Variants in HINT2 observed in about 807,000 individuals in gnomAD.
HINT2 encodes adenosine 5'-monophosphoramidase HINT2.
In HINT2, 17 loss-of-function variants were observed where a neutral mutation model predicts 20.0. The observed-to-expected ratio is 0.85, with a 90% CI of 0.58 to 1.27. The LOEUF is 1.27. Ranked by LOEUF, HINT2 falls within the 50% of genes most tolerant of loss-of-function variation. HINT2 has a pLI of 0.00. For missense variants in HINT2, 217 were observed against 211.9 expected (o/e 1.02, Z -0.15); for synonymous variants, 96 against 84.2 (o/e 1.14, Z -0.77).
chr9:35,813,733 G>C lies in HINT2; in HGVS notation c.133C>G (p.Gln45Glu). ...TDGNEVAKAQ[Q>E]ATPGGAAPTI... Reference sequence around the variant, plus strand: ...GGGGCTGCTCCCCCAGGAGTTGCCTGCTGGGCCTTGGCCACTTCATTCCCA... The same window carrying C: ...GGGGCTGCTCCCCCAGGAGTTGCCTCCTGGGCCTTGGCCACTTCATTCCCA... The change falls in exon 2 of 5, where the codon CAG becomes GAG. Residue 45 changes from glutamine (Q) to glutamate (E), a missense_variant. Physicochemically the swap from Gln to Glu is conservative, Grantham distance 29. Transcript: ENST00000259667. 1 of 1,613,914 alleles carries C rather than the reference G, an allele frequency of 6.2e-7. No individual in the cohort carries two copies. Among genetic ancestry groups the C allele is most frequent in the Non-Finnish European group, 8.5e-7 (1 of 1,179,796 alleles).
At chr9:35,814,872 C>A (rs1360770627) in intron 1 of HINT2, 27 bp downstream of exon 1, 3 of 1,480,528 alleles carry the variant, frequency 2.0e-6, no homozygotes, top group Non-Finnish European at 2.7e-6. Flanking sequence ...CGCAGGACCC[C>A]CTACTCGCTC....
At chr9:35,813,986 A>G in intron 1 of HINT2, 1 of 596,674 alleles carries the variant, frequency 1.7e-6, no homozygotes, top group Non-Finnish European at 3.0e-6. Context: ...ATCAGGATTC[A>G]GCAGTGCAAT....
Position 35,813,082 on chromosome 9 carries a change from C to T in HINT2, c.464G>A (p.Gly155Asp). 6.2e-7 allele frequency: 1 copy of T among 1,614,142 alleles called. No homozygotes were observed. Among genetic ancestry groups the T allele is most frequent in the South Asian group, 1.1e-5 (1 of 91,090 alleles). The change falls in exon 5 of 5, where the codon GGC (glycine) becomes GAC (aspartate). Residue 155 changes from glycine (G) to aspartate (D), a missense_variant. Physicochemically the swap from Gly to Asp is moderately conservative, Grantham distance 94. Transcript: ENST00000259667. ...ACCTGGAGGCCACTGGAGCTGCCGG[C>T]CCCCAAGTACATGAATGTGCAGATG... ...VYHLHIHVLG[G>D]RQLQWPPG
chr9:35,813,483 T>C lies in HINT2; in HGVS notation c.289A>G (p.Ile97Val), dbSNP rs1356775144. The C allele has an allele frequency of 6.2e-7, 1 of 1,614,014 alleles. No individual in the cohort carries two copies. The highest frequency in any genetic ancestry group is 8.5e-7 in the Non-Finnish European group (1 of 1,180,028). Residue 97 changes from isoleucine (I) to valine (V), a missense_variant, in exon 3 of 5, where the codon ATT (isoleucine) becomes GTT (valine). Transcript: ENST00000259667. ...VHFLVIPKKPIPRISQAEEED... is the reference protein window; with the variant it reads ...VHFLVIPKKPVPRISQAEEED... Reference sequence around the variant, plus strand: ...TCTTCAGCCTGGCTAATCCGAGGAATGGGCTTCTTAGGAATGACCAGGAAG... The same window carrying C: ...TCTTCAGCCTGGCTAATCCGAGGAACGGGCTTCTTAGGAATGACCAGGAAG...
intron 1 of HINT2, chr9:35,814,471 A>G (rs1172756905): frequency 6.1e-6 from 1 of 162,842 alleles, no homozygotes; most frequent in Admixed American, 6.4e-5. Context: ...TTGGGGGAGA[A>G]CGGGACGGAA....
chr9:35,813,117 T>C lies in HINT2; in HGVS notation c.429A>G (p.Gln143=). The C allele has an allele frequency of 6.2e-7, 1 of 1,614,160 alleles. No homozygotes were observed. Residue 143 remains glutamine, a synonymous_variant, in exon 5 of 5, where the codon CAA becomes CAG. Transcript: ENST00000259667. ...LVINDGKLGA[Q]SVYHLHIHVL... ...CATGAATGTGCAGATGATACACAGATTGTGCACCCAGCTTCCCATCGTTGA... is the reference window on the plus strand; with the variant it reads ...CATGAATGTGCAGATGATACACAGACTGTGCACCCAGCTTCCCATCGTTGA...
chr9:35,813,758 A>C lies in HINT2; in HGVS notation c.108T>G (p.Asp36Glu). Residue 36 changes from aspartate to glutamate, a missense_variant, in exon 2 of 5, where the codon GAT (aspartate) becomes GAG (glutamate). Asp to Glu is a conservative substitution (Grantham distance 45). Coordinates refer to ENST00000259667, the MANE Select transcript of HINT2 (RefSeq NM_032593.3). ...GCTGGGCCTTGGCCACTTCATTCCC[A>C]TCAGTCACACCTGCAGCTCCTCGGA... is the stretch of plus-strand genomic sequence containing the variant. ...GQVRGAAGVT[D>E]GNEVAKAQQA... 6.2e-7 allele frequency: 1 copy of C among 1,613,736 alleles called. No homozygotes were observed. The highest frequency in any genetic ancestry group is 8.5e-7 in the Non-Finnish European group (1 of 1,179,816).
At chr9:35,814,861 C>G (rs1468548555) in intron 1 of HINT2, 38 bp downstream of exon 1, 1 of 1,467,060 alleles carries the variant, frequency 6.8e-7, no homozygotes, top group African/African-American at 1.5e-5. Context: ...GCTTCGGAGC[C>G]CGCAGGACCC....
Position 35,813,676 on chromosome 9 carries a change from G to C in HINT2, c.190C>G (p.Leu64Val). ...TIFSRILDKS[L>V]PADILYEDQQ... is the part of the protein sequence containing the mutation. ...TCCTCATAGAGAATGTCAGCTGGGA[G>C]GCTCTTGTCCAGGATCCGGGAGAAG... Residue 64 changes from leucine to valine, a missense_variant, in exon 2 of 5, where the codon CTC (leucine) becomes GTC (valine). Physicochemically the swap from Leu to Val is conservative, Grantham distance 32 (BLOSUM62 1). Transcript: ENST00000259667. The C allele has an allele frequency of 6.2e-7, 1 of 1,614,224 alleles. No individual in the cohort carries two copies. The highest frequency in any genetic ancestry group is 8.5e-7 in the Non-Finnish European group (1 of 1,180,046).
chr9:35,813,327 G>A lies in HINT2; in HGVS notation c.339C>T (p.His113=). Residue 113 remains histidine (H), a synonymous_variant, in exon 4 of 5, where the codon CAC becomes CAT. Transcript: ENST00000259667. The part of the protein sequence containing the change: ...AEEEDQQLLG[H]LLLVAKQTAK... ...CTGTCTGCTTGGCCACAAGGAGTAG[G>A]TGTCCTAGAAGCTATAGAGAGAGCG... 2 of 1,614,094 alleles carry A rather than the reference G, an allele frequency of 1.2e-6. No individual in the cohort carries two copies. The highest frequency in any genetic ancestry group is 1.7e-6 in the Non-Finnish European group (2 of 1,179,934).
In HINT2 at chr9:35,814,982, T is replaced by G; in HGVS notation, c.-3A>C. ...GCCAGCACCACGGCTGCCGCCATCT[T>G]CCCTGAGCCGCGGGAACCTCTCACC... On this transcript the variant is annotated 5_prime_UTR_variant, in exon 1 of 5. Coordinates refer to ENST00000259667, the MANE Select transcript of HINT2 (RefSeq NM_032593.3). 1 of 1,461,432 alleles carries G rather than the reference T, an allele frequency of 6.8e-7. No individual in the cohort carries two copies. Among genetic ancestry groups the G allele is most frequent in the Non-Finnish European group, 9.0e-7 (1 of 1,113,408 alleles). The allele number at this position is 1,461,432 out of a possible 1,614,324, so 90.5% of individuals were successfully genotyped here. A position where few individuals can be genotyped will look rare whatever the true frequency, so the allele number is the denominator to read the frequency against.
Position 35,814,092 on chromosome 9 carries a change from A to T in HINT2, c.82-308T>A, listed in dbSNP as rs74411323. On this transcript the variant is annotated intron_variant, in intron 1 of 4. Transcript: ENST00000259667. ...TTTTGGTCTCAGTTCCTACCTTACC[A>T]TACCACTGAATTACCTCAGATAAAT... 1.7e-3 allele frequency: 497 copies of T among 293,228 alleles called. 3 individuals are homozygous for T. Among genetic ancestry groups the T allele is most frequent in the African/African-American group, 0.01 (474 of 46,226 alleles). 18.2% of individuals were successfully genotyped at this position (293,228 alleles called of 1,614,324 possible).
chr9:35,814,842 C>T (rs1828978681), intron 1 of HINT2, 57 bp downstream of exon 1: 4 of 1,410,524 alleles, frequency 2.8e-6, no homozygotes, highest in South Asian at 2.7e-5. Flanking sequence ...GACCCCCTGG[C>T]CCCGGATGGC....
Position 35,813,254 on chromosome 9 carries a change from A to G in HINT2, c.400+12T>C, listed in dbSNP as rs1285593069. On this transcript the variant is annotated intron_variant, in intron 4 of 4. Coordinates refer to ENST00000259667, the MANE Select transcript of HINT2 (RefSeq NM_032593.3). ...TTCATAGGTGAGGGACCAAGGGCCA[A>G]AAGTCACTCACCAAGTCGGTATCCA... is the stretch of plus-strand genomic sequence containing the variant. 7 of 1,614,044 alleles carry G rather than the reference A, an allele frequency of 4.3e-6. No individual in the cohort carries two copies. The Admixed American group carries it at 1.0e-4, about 23-fold the overall frequency.
chr9:35,814,573 G>A, intron 1 of HINT2: 1 of 330,552 alleles, frequency 3.0e-6, no homozygotes, highest in East Asian at 5.5e-5. Context: ...GAGGAGGGCA[G>A]AGCACTGGCT....
chr9:35,813,551 T>TG lies in HINT2; in HGVS notation c.223-3dup. Reference sequence around the variant, plus strand: ...GGCCACATCACGGAACACAAGACACTGGGGGAAGTGACAGGCCAGAGGCCA... The same window carrying TG: ...GGCCACATCACGGAACACAAGACACTGGGGGGAAGTGACAGGCCAGAGGCCA... On this transcript the variant is annotated splice_polypyrimidine_tract_variant and splice_region_variant and intron_variant, in intron 2 of 4. Coordinates refer to ENST00000259667, the MANE Select transcript of HINT2 (RefSeq NM_032593.3). 6.2e-7 allele frequency: 1 copy of TG among 1,614,106 alleles called. No individual in the cohort carries two copies. Among genetic ancestry groups the TG allele is most frequent in the Non-Finnish European group, 8.5e-7 (1 of 1,179,996 alleles).
chr9:35,814,749 C>G, intron 1 of HINT2, 150 bp downstream of exon 1: 2 of 654,992 alleles, frequency 3.1e-6, no homozygotes, highest in Non-Finnish European at 4.8e-6. Context: ...ACCAGTTCGA[C>G]CTCACCACAC....
Position 35,814,985 on chromosome 9 carries a change from C to T in HINT2, c.-6G>A. 2 of 1,460,420 alleles carry T rather than the reference C, an allele frequency of 1.4e-6. No individual in the cohort carries two copies. Among genetic ancestry groups the T allele is most frequent in the South Asian group, 2.6e-5 (2 of 75,606 alleles). The allele number at this position is 1,460,420 out of a possible 1,614,324, so 90.5% of individuals were successfully genotyped here. The stretch of plus-strand genomic sequence containing the variant: ...AGCACCACGGCTGCCGCCATCTTCC[C>T]TGAGCCGCGGGAACCTCTCACCCGG... On this transcript the variant is annotated 5_prime_UTR_variant, in exon 1 of 5. Coordinates refer to ENST00000259667, the MANE Select transcript of HINT2 (RefSeq NM_032593.3).
intron 1 of HINT2, 39 bp downstream of exon 1, chr9:35,814,860 C>G (rs749688731): frequency 6.8e-7 from 1 of 1,463,054 alleles, no homozygotes; most frequent in Admixed American, 2.4e-5. Flanking sequence ...GGCTTCGGAG[C>G]CCGCAGGACC....
Sources: gnomAD v4.1 joint callset for allele counts on GRCh38, gnomAD v4.1.1 for gene constraint, MANE v1.5 for transcripts, NCBI Gene and HGNC (gene_info 2026-07-23, HGNC 2026-07-21) for gene names.